Variants in ARHGAP28 observed in about 807,000 individuals in gnomAD.
The protein encoded by ARHGAP28 is Rho GTPase activating protein 28.
Under a neutral mutation model 90.7 loss-of-function variants are expected in ARHGAP28, and 56 were observed. The ratio of observed to expected loss-of-function variants is 0.62; its 90% CI spans 0.50 to 0.77. ARHGAP28 has a LOEUF of 0.77. Among genes scored for constraint, ARHGAP28 ranks in the 30% least tolerant of loss-of-function variants. The probability of loss-of-function intolerance (pLI) is 0.00; values close to 1 mark genes in which losing one functional copy is unlikely to be tolerated. For missense variants in ARHGAP28, 869 were observed against 900.9 expected, an observed-to-expected ratio of 0.96 and a Z score of 0.45; for synonymous variants, 308 against 323.3, an observed-to-expected ratio of 0.95 and a Z score of 0.51.
At chr18:6,901,111 T>G (rs1472118716) in intron 16 of ARHGAP28, among the ~76,000 whole-genome samples, 1 of 152,116 alleles carries the variant, frequency 6.6e-6, no homozygotes, top group Non-Finnish European at 1.5e-5. Flanking sequence ...GATTTGTTGC[T>G]AAGAAACTGA....
intron 1 of ARHGAP28, among the ~76,000 whole-genome samples, chr18:6,798,562 A>C (rs1347798746): frequency 6.6e-6 from 1 of 152,202 alleles, no homozygotes; most frequent in Non-Finnish European, 1.5e-5. Context: ...ATTCACTTTA[A>C]AAAGCTCAAT....
intron 1 of ARHGAP28, among the ~76,000 whole-genome samples, chr18:6,781,436 T>C (rs1237816921): frequency 6.6e-6 from 1 of 152,186 alleles, no homozygotes; most frequent in Non-Finnish European, 1.5e-5. Context: ...TGAGAATCAA[T>C]CAGTCTCTGT....
At position 6,815,106 on chromosome 18, in the gene ARHGAP28, G is replaced by A. The variant is rs115498088; in HGVS notation, c.123-9656G>A. On this transcript the variant is annotated intron_variant, in intron 1 of 17. Coordinates refer to ENST00000383472, the MANE Select transcript of ARHGAP28 (RefSeq NM_001366230.1). The stretch of plus-strand genomic sequence containing the variant: ...GAGTCACTTGTGGGATTGACTGAGC[G>A]TTACCAAAATCAATATATATGTCAA... Among the ~76,000 whole-genome samples, 244 of 152,192 alleles carry A rather than the reference G, an allele frequency of 1.6e-3. 1 individual carries two copies. The highest frequency in any genetic ancestry group is 5.0e-3 in the African/African-American group (206 of 41,528).
At chr18:6,756,560 G>A (rs2056111568) in intron 1 of ARHGAP28, among the ~76,000 whole-genome samples, 1 of 152,064 alleles carries the variant, frequency 6.6e-6, no homozygotes, top group African/African-American at 2.4e-5. Context: ...TTGTTATTTG[G>A]TGTATAGTCA....
intron 2 of ARHGAP28, among the ~76,000 whole-genome samples, chr18:6,825,965 T>A (rs1165446301): frequency 1.3e-5 from 2 of 152,234 alleles, no homozygotes; most frequent in African/African-American, 4.8e-5. Context: ...GCTTTGGGTT[T>A]ATACCCAGTA....
chr18:6,865,494 G>A (rs868818237), intron 5 of ARHGAP28, among the ~76,000 whole-genome samples: 4 of 152,134 alleles, frequency 2.6e-5, no homozygotes, highest in Admixed American at 2.6e-4. Flanking sequence ...AAGATGAGGA[G>A]CCTTACTGTC....
At chr18:6,841,208 C>CTCACTGTCTCT (rs1555631529) in intron 3 of ARHGAP28, among the ~76,000 whole-genome samples, 2 of 43,136 alleles carry the variant, frequency 4.6e-5, no homozygotes, top group African/African-American at 1.8e-4. Flanking sequence ...TCTCTCCTCT[C>CTCACTGTCTCT]CTCTCTCTCT....
chr18:6,850,986 T>C, intron 3 of ARHGAP28, 48 bp from the exon 4 acceptor site: 1 of 1,608,132 alleles, frequency 6.2e-7, no homozygotes, highest in Non-Finnish European at 8.5e-7. Context: ...CGCAGTCATA[T>C]TTGGAAAGAT....
intron 10 of ARHGAP28, among the ~76,000 whole-genome samples, chr18:6,879,722 G>T (rs1385099175): frequency 6.6e-6 from 1 of 152,250 alleles, no homozygotes; most frequent in Non-Finnish European, 1.5e-5. Context: ...GAGAGTGGGG[G>T]AGGGGCGAGC....
At position 6,894,861 on chromosome 18, in the gene ARHGAP28, A is replaced by G; in HGVS notation, c.1875A>G (p.Val625=). The G allele has an allele frequency of 1.2e-6, 2 of 1,614,140 alleles. No individual in the cohort carries two copies. Among genetic ancestry groups the G allele is most frequent in the Admixed American group, 1.7e-5 (1 of 60,010 alleles). Residue 625 remains valine, a synonymous_variant, in exon 15 of 18, where the codon GTA becomes GTG. Transcript: ENST00000383472. ...CTGCAAGCCCCAAGACTTCAAAGGT[A>G]CTGCAAAAATCACCCTCGGCAAGAC... ...RETASPKTSK[V]LQKSPSARRM...
At chr18:6,816,764 T>C (rs1049558400) in intron 1 of ARHGAP28, among the ~76,000 whole-genome samples, 13 of 152,114 alleles carry the variant, frequency 8.5e-5, no homozygotes, top group Non-Finnish European at 1.9e-4. Context: ...GGGGTTAGGC[T>C]AATAATTTGG....
intron 3 of ARHGAP28, among the ~76,000 whole-genome samples, chr18:6,847,768 T>C (rs534158912): frequency 5.7e-4 from 87 of 152,184 alleles, no homozygotes; most frequent in African/African-American, 1.8e-3. Flanking sequence ...CCCGAGACCA[T>C]GCCCAGGTTC....
At chr18:6,864,346 G>A (rs1269475124) in intron 5 of ARHGAP28, among the ~76,000 whole-genome samples, 1 of 152,178 alleles carries the variant, frequency 6.6e-6, no homozygotes, top group Non-Finnish European at 1.5e-5. Context: ...TTACAGGCAT[G>A]AGCCACCACA....
At chr18:6,859,666 G>A in intron 4 of ARHGAP28, 142 bp from the exon 5 acceptor site, 1 of 804,110 alleles carries the variant, frequency 1.2e-6, no homozygotes, top group Non-Finnish European at 2.0e-6. Context: ...TGCACTACCA[G>A]TTGGATGCAA....
intron 7 of ARHGAP28, among the ~76,000 whole-genome samples, 183 bp downstream of exon 7, chr18:6,870,915 C>T (rs1230562708): frequency 1.3e-5 from 2 of 152,144 alleles, no homozygotes; most frequent in African/African-American, 4.8e-5. Context: ...ATTCTCCTGC[C>T]TCAGCCTCCC....
At chr18:6,869,250 A>ATTTTTTTTTTTTT in intron 6 of ARHGAP28, among the ~76,000 whole-genome samples, 1 of 103,812 alleles carries the variant, frequency 9.6e-6, no homozygotes, top group Non-Finnish European at 2.0e-5. Context: ...TCCTTTTGCC[A>ATTTTTTTTTTTTT]TTCTTTTTTT....
rs756835484 is a variant in ARHGAP28, at chr18:6,898,457, T to G, written c.2030+1831T>G. 2.5e-6 allele frequency: 4 copies of G among 1,608,522 alleles called. No individual in the cohort carries two copies. The South Asian group carries it at 4.4e-5, about 18-fold the overall frequency. ...CAAGAATACTGCACTGGCAGCGAGCTGCACTTTCCTTCCTAAATGGAAAAT... is the reference window on the plus strand; with the variant it reads ...CAAGAATACTGCACTGGCAGCGAGCGGCACTTTCCTTCCTAAATGGAAAAT... On this transcript the variant is annotated intron_variant, in intron 16 of 17. Transcript: ENST00000383472.
chr18:6,805,215 T>C (rs2056509153), intron 1 of ARHGAP28, among the ~76,000 whole-genome samples: 1 of 152,200 alleles, frequency 6.6e-6, no homozygotes, highest in African/African-American at 2.4e-5. Context: ...TTTGCTGTAT[T>C]TGTTTTGAAG....
At chr18:6,857,235 G>T (rs996633946) in intron 4 of ARHGAP28, among the ~76,000 whole-genome samples, 10 of 152,072 alleles carry the variant, frequency 6.6e-5, no homozygotes, top group Admixed American at 5.2e-4. Flanking sequence ...CATTAAAAAA[G>T]ATCTGCAGGC....
Sources: gnomAD v4.1 joint callset for allele counts (sites outside exome capture counted in the v4.1 genomes callset) on GRCh38, gnomAD v4.1.1 for gene constraint, MANE v1.5 for transcripts, NCBI Gene and HGNC (gene_info 2026-07-23, HGNC 2026-07-21) for gene names.